Variants in CAMSAP1 observed in about 807,000 individuals in gnomAD.
The protein encoded by CAMSAP1 is calmodulin regulated spectrin associated protein 1, also known as calmodulin-regulated spectrin-associated protein 1.
CAMSAP1 carries 58 observed loss-of-function variants against 143.5 expected under a neutral mutation model. That is an observed-to-expected ratio of 0.40 (90% confidence interval 0.33 to 0.50). CAMSAP1 has a LOEUF of 0.50. Among genes scored for constraint, CAMSAP1 ranks in the 20% least tolerant of loss-of-function variants. CAMSAP1 has a pLI of 0.45. For missense variants in CAMSAP1, 1,969 were observed against 2,115.7 expected (o/e 0.93, Z 1.36); for synonymous variants, 945 against 859.3 (o/e 1.10, Z -1.74).
rs754996427 is a variant in CAMSAP1 at position 135,821,234 on chromosome 9, G to A, written c.3427C>T (p.Arg1143Trp). The A allele has an allele frequency of 3.0e-5, 49 of 1,608,050 alleles. No individual in the cohort carries two copies. The highest frequency in any genetic ancestry group is 1.1e-4 in the South Asian group (10 of 91,088). ...TCCAGGCCAGGGTCCGTGGGCGTCC[G>A]AGGGTGGCTGCTGGCAGGGAAGGGT... The part of the protein sequence containing the change: ...LRPFPASSHP[R>W]TPTDPGLDSA... Residue 1143 changes from arginine to tryptophan, a missense_variant, in exon 11 of 17, where the codon CGG (arginine) becomes TGG (tryptophan). This residue lies in a region of CAMSAP1 where 1,390 missense variants were observed against 1,420.8 expected (regional missense o/e 0.98). Coordinates refer to ENST00000389532, the MANE Select transcript of CAMSAP1 (RefSeq NM_015447.4). This position sits in a 1 kb window ranked among gnomAD's most constrained non-coding sequence, Gnocchi z 4.6.
In CAMSAP1 at chr9:135,823,108, T is replaced by C. The variant is rs773323751; in HGVS notation, c.1553A>G (p.His518Arg). The C allele has an allele frequency of 2.5e-6, 4 of 1,613,622 alleles. No homozygotes were observed. Among genetic ancestry groups the C allele is most frequent in the Non-Finnish European group, 8.5e-7 (1 of 1,179,850 alleles). ...IVNLTPQNQP[H>R]PTATKSHGKS... ...CCCGTGGCTCTTCGTGGCCGTGGGGTGTGGCTGGTTCTGTGGGGTCAGATT... is the reference window on the plus strand; with the variant it reads ...CCCGTGGCTCTTCGTGGCCGTGGGGCGTGGCTGGTTCTGTGGGGTCAGATT... The change falls in exon 11 of 17, where the codon CAC becomes CGC. Residue 518 changes from histidine to arginine, a missense_variant. His to Arg is a conservative substitution (Grantham distance 29, BLOSUM62 0). Around this residue, in one of 4 missense-constraint regions of CAMSAP1, gnomAD observed 1,390 missense variants for 1,420.8 expected, o/e 0.98. Coordinates refer to ENST00000389532, the MANE Select transcript of CAMSAP1 (RefSeq NM_015447.4).
Position 135,822,990 on chromosome 9 carries a change from C to T in CAMSAP1, c.1671G>A (p.Pro557=), listed in dbSNP as rs144214856. The T allele has an allele frequency of 8.7e-5, 140 of 1,613,868 alleles. No homozygotes were observed. Among genetic ancestry groups the T allele is most frequent in the African/African-American group, 2.1e-4 (16 of 74,930 alleles). Residue 557 remains proline (P), a synonymous_variant, in exon 11 of 17, where the codon CCG becomes CCA. Coordinates refer to ENST00000389532, the MANE Select transcript of CAMSAP1 (RefSeq NM_015447.4). The surrounding 1 kb of genome is among the most constrained non-coding windows in gnomAD (Gnocchi z 6.1). Reference sequence around the variant, plus strand: ...CCCGGGGTGAGGCCCTGGGGAACTCCGGGTCAGCCTGCTGGGGAACCACGT... The same window carrying T: ...CCCGGGGTGAGGCCCTGGGGAACTCTGGGTCAGCCTGCTGGGGAACCACGT... ...RADVVPQQAD[P]EFPRASPRAL...
chr9:135,881,649 A>C lies in CAMSAP1; in HGVS notation c.569T>G (p.Val190Gly). The C allele has an allele frequency of 1.3e-6, 2 of 1,551,718 alleles. No individual in the cohort carries two copies. Among genetic ancestry groups the C allele is most frequent in the Non-Finnish European group, 1.7e-6 (2 of 1,146,998 alleles). ...GGCACTCACCTTGTTGATCCAGAAC[A>C]CCATGGCATCCTCGAGGTCGTACGG... ...ELPYDLEDAMVFWINKVNLKM... is the reference protein window; with the variant it reads ...ELPYDLEDAMGFWINKVNLKM... The change falls in exon 3 of 17, where the codon GTG (valine) becomes GGG (glycine). Residue 190 changes from valine (V) to glycine (G), a missense_variant. Physicochemically the swap from Val to Gly is moderately radical, Grantham distance 109. Transcript: ENST00000389532.
chr9:135,853,165 C>T (rs1040674752), intron 5 of CAMSAP1, among the ~76,000 whole-genome samples: 3 of 152,138 alleles, frequency 2.0e-5, no homozygotes, highest in Non-Finnish European at 2.9e-5. Context: ...TGAGGTGACA[C>T]GCTGGGAGGA....
intron 7 of CAMSAP1, among the ~76,000 whole-genome samples, chr9:135,832,289 T>C (rs1046566148): frequency 6.6e-6 from 1 of 152,130 alleles, no homozygotes; most frequent in Non-Finnish European, 1.5e-5. Flanking sequence ...GCAGAACACA[T>C]TAACAGAATC....
intron 5 of CAMSAP1, among the ~76,000 whole-genome samples, chr9:135,855,932 G>A (rs990997406): frequency 6.6e-6 from 1 of 151,796 alleles, no homozygotes; most frequent in African/African-American, 2.4e-5. Context: ...GGCGCCTGTG[G>A]TCCCAGCTAC....
intron 8 of CAMSAP1, 120 bp downstream of exon 8, chr9:135,827,287 T>C (rs1001261971): frequency 6.6e-6 from 7 of 1,059,748 alleles, no homozygotes; most frequent in Non-Finnish European, 8.9e-6. Flanking sequence ...AAGGAAAATC[T>C]TTCATAAGCG....
At chr9:135,869,646 C>T (rs1837503682) in intron 3 of CAMSAP1, among the ~76,000 whole-genome samples, 1 of 152,106 alleles carries the variant, frequency 6.6e-6, no homozygotes, top group African/African-American at 2.4e-5. Flanking sequence ...AAAAGCTAAA[C>T]ACAGAATGAA....
intron 5 of CAMSAP1, among the ~76,000 whole-genome samples, chr9:135,852,847 G>T (rs557854048): frequency 6.6e-6 from 1 of 152,196 alleles, no homozygotes; most frequent in East Asian, 1.9e-4. Context: ...ATGACCTATT[G>T]AATAAAGTAA....
chr9:135,858,215 A>G (rs974264645), intron 5 of CAMSAP1, among the ~76,000 whole-genome samples: 6 of 147,032 alleles, frequency 4.1e-5, no homozygotes, highest in African/African-American at 1.5e-4. Flanking sequence ...GATATATCTT[A>G]GTTTCATCCA....
At chr9:135,835,871 T>C (rs1472771604) in intron 7 of CAMSAP1, among the ~76,000 whole-genome samples, 1 of 152,164 alleles carries the variant, frequency 6.6e-6, no homozygotes, top group East Asian at 1.9e-4. Flanking sequence ...TCCCAGCTAC[T>C]TGGGAGATTG....
chr9:135,887,532 C>G (rs139639635), intron 1 of CAMSAP1, among the ~76,000 whole-genome samples: 97 of 152,242 alleles, frequency 6.4e-4, no homozygotes, highest in African/African-American at 1.7e-3. Flanking sequence ...ATGGGAGAGG[C>G]TGAAGAGGAG....
chr9:135,880,454 C>T (rs1037280597), intron 3 of CAMSAP1, among the ~76,000 whole-genome samples: 2 of 152,168 alleles, frequency 1.3e-5, no homozygotes, highest in African/African-American at 4.8e-5. Context: ...CTGTCCCTAC[C>T]TCACCGCAGG....
At chr9:135,894,599 C>T (rs554558228) in intron 1 of CAMSAP1, among the ~76,000 whole-genome samples, 28 of 152,260 alleles carry the variant, frequency 1.8e-4, no homozygotes, top group Non-Finnish European at 2.1e-4. Flanking sequence ...CTAAGTCAAG[C>T]GACCAAAACA....
intron 1 of CAMSAP1, among the ~76,000 whole-genome samples, chr9:135,887,166 G>A (rs747786863): frequency 2.0e-5 from 3 of 152,198 alleles, no homozygotes; most frequent in African/African-American, 7.2e-5. Context: ...GGCAACCTGA[G>A]GACACCAAGC....
intron 5 of CAMSAP1, among the ~76,000 whole-genome samples, chr9:135,856,578 GC>G (rs1029326098): frequency 3.3e-5 from 5 of 152,176 alleles, no homozygotes; most frequent in African/African-American, 4.8e-5. Flanking sequence ...AGAGGCTACA[GC>G]CCACTGTCAC....
Position 135,810,904 on chromosome 9 carries a change from C to A in CAMSAP1, c.*405G>T. On this transcript the variant is annotated 3_prime_UTR_variant, in exon 17 of 17. Coordinates refer to ENST00000389532, the MANE Select transcript of CAMSAP1 (RefSeq NM_015447.4). Reference sequence around the variant, plus strand: ...CAATATGAGGGTGTCAGGCAATGTGCAAGGGGGCGAGGTGAGAAGCAAGAA... The same window carrying A: ...CAATATGAGGGTGTCAGGCAATGTGAAAGGGGGCGAGGTGAGAAGCAAGAA... 4.7e-6 allele frequency: 1 copy of A among 212,102 alleles called. No individual in the cohort carries two copies. Among genetic ancestry groups the A allele is most frequent in the Non-Finnish European group, 9.6e-6 (1 of 104,678 alleles). The allele number at this position is 212,102 out of a possible 1,614,324, so 13.1% of individuals were successfully genotyped here.
Position 135,826,716 on chromosome 9 carries a change from C to T in CAMSAP1, c.1223+691G>A, listed in dbSNP as rs995641980. 6.6e-6 allele frequency among the ~76,000 whole-genome samples: 1 copy of T among 152,162 alleles called. No individual in the cohort carries two copies. The highest frequency in any genetic ancestry group is 1.5e-5 in the Non-Finnish European group (1 of 68,030). ...CATGTTAAAAATGTTTCTCCACTTT[C>T]GGTGTGCTAACTGGCTCCAGGCTGG... On this transcript the variant is annotated intron_variant, in intron 8 of 16. Transcript: ENST00000389532. The surrounding 1 kb of genome is among the most constrained non-coding windows in gnomAD (Gnocchi z 4.4).
rs755613665 is a variant in CAMSAP1 at position 135,817,987 on chromosome 9, G to A, written c.4261C>T (p.Pro1421Ser). ...TCTCAGGCCCCTTACCGCTGAGAGG[G>A]TGTGCCCCCGGAATGAACGCTCTCG... ...EPESVHSGGT[P>S]SQRVESMEAL... Residue 1421 changes from proline to serine, a missense_variant, in exon 14 of 17, where the codon CCC becomes TCC. Transcript: ENST00000389532. 2 of 1,613,782 alleles carry A rather than the reference G, an allele frequency of 1.2e-6. No homozygotes were observed. The highest frequency in any genetic ancestry group is 2.7e-5 in the African/African-American group (2 of 74,926).
Sources: allele counts gnomAD v4.1 joint callset (sites outside exome capture counted in the v4.1 genomes callset), GRCh38; gene constraint gnomAD v4.1.1; regional missense constraint gnomAD v4.1.1; non-coding constraint Gnocchi (gnomAD v3.1); transcripts MANE v1.5; gene names NCBI Gene and HGNC (gene_info 2026-07-23, HGNC 2026-07-21).